Variants in FBLN1 observed in about 807,000 individuals in gnomAD.
The protein encoded by FBLN1 is fibulin 1.
Under a neutral mutation model 89.7 loss-of-function variants are expected in FBLN1, and 34 were observed. That is an observed-to-expected ratio of 0.38 (90% CI 0.29 to 0.50). The LOEUF (loss-of-function observed/expected upper bound fraction) is 0.50. Among genes scored for constraint, FBLN1 ranks in the 20% least tolerant of loss-of-function variants. The pLI is 0.92. For synonymous variants in FBLN1, 393 were observed against 391.3 expected (o/e 1.00, Z -0.05); for missense variants, 777 against 988.1 (o/e 0.79, Z 2.86).
chr22:45,524,823 G>A (rs960828859), intron 2 of FBLN1, among the ~76,000 whole-genome samples: 6 of 152,222 alleles, frequency 3.9e-5, no homozygotes, highest in East Asian at 1.9e-4. Context: ...GGTAGCTCAC[G>A]CCTGTAATCC....
intron 10 of FBLN1, among the ~76,000 whole-genome samples, chr22:45,542,819 G>C (rs548559929): frequency 2.0e-5 from 3 of 152,342 alleles, no homozygotes; most frequent in Admixed American, 6.5e-5. Flanking sequence ...GTGGGTCCTG[G>C]GGAGGAGGAC....
In FBLN1 at chr22:45,575,377, G is replaced by A. The variant is rs551252669; in HGVS notation, c.1840+724G>A. ...CATGGCCAGAAGGGTCTGGAGGTAT[G>A]GGGGGGCGGTGTGGGCGTTTGAGAA... On this transcript the variant is annotated intron_variant, in intron 15 of 16. Transcript: ENST00000327858. This position sits in a 1 kb window ranked among gnomAD's most constrained non-coding sequence, Gnocchi z 6.3. 4.9e-4 allele frequency among the ~76,000 whole-genome samples: 75 copies of A among 152,072 alleles called. No homozygotes were observed. In the South Asian group the frequency reaches 0.015, roughly 30 times the overall value.
At chr22:45,542,402 C>T in intron 10 of FBLN1, 119 bp downstream of exon 10, 1 of 1,372,210 alleles carries the variant, frequency 7.3e-7, no homozygotes, top group Non-Finnish European at 1.0e-6. Flanking sequence ...CAAGTGCAGG[C>T]AGACCCTGAG....
rs370630663 is a variant in FBLN1 at position 45,542,292 on chromosome 22, G to A, written c.1195+9G>A. The A allele has an allele frequency of 2.0e-5, 33 of 1,613,528 alleles. No individual in the cohort carries two copies. The Admixed American group carries it at 2.5e-4, about 12-fold the overall frequency. On this transcript the variant is annotated intron_variant, in intron 10 of 16. Coordinates refer to ENST00000327858, the MANE Select transcript of FBLN1 (RefSeq NM_006486.3). Reference sequence around the variant, plus strand: ...CAGCAGGATGTGTGTCGGTGCGTGGGGGGCCCCGCAGGCCTCGGGGGAACC... The same window carrying A: ...CAGCAGGATGTGTGTCGGTGCGTGGAGGGCCCCGCAGGCCTCGGGGGAACC...
At chr22:45,589,362 C>G (rs1289672231) in intron 16 of FBLN1, among the ~76,000 whole-genome samples, 13 of 152,046 alleles carry the variant, frequency 8.6e-5, no homozygotes, top group Non-Finnish European at 1.3e-4. Context: ...TTGACCCGGT[C>G]CTGAAATCTC....
intron 9 of FBLN1, 132 bp from the exon 10 acceptor site, chr22:45,542,023 G>A (rs2088562020): frequency 7.2e-7 from 1 of 1,379,876 alleles, no homozygotes; most frequent in African/African-American, 1.4e-5. Flanking sequence ...TAGGTGCTCT[G>A]TGAAGTCGTG....
chr22:45,595,175 G>A (rs1254309525), intron 16 of FBLN1, among the ~76,000 whole-genome samples: 1 of 152,132 alleles, frequency 6.6e-6, no homozygotes, highest in Non-Finnish European at 1.5e-5. Flanking sequence ...CTGGAGGAGT[G>A]TGGGCAGGTC....
chr22:45,568,010 CAGCTCTCCCT>C (rs753936204), intron 14 of FBLN1, among the ~76,000 whole-genome samples: 6 of 152,144 alleles, frequency 3.9e-5, no homozygotes, highest in Non-Finnish European at 7.3e-5. Context: ...TTAGCCACCA[CAGCTCTCCCT>C]AAGGTCAGAG....
At chr22:45,518,216 C>A (rs985601851) in intron 1 of FBLN1, among the ~76,000 whole-genome samples, 1 of 151,958 alleles carries the variant, frequency 6.6e-6, no homozygotes, top group Non-Finnish European at 1.5e-5. Context: ...TCCCTGTTTG[C>A]AGTCTCTCCT....
intron 8 of FBLN1, among the ~76,000 whole-genome samples, chr22:45,540,658 C>T (rs1193144134): frequency 2.6e-5 from 4 of 152,200 alleles, no homozygotes; most frequent in Non-Finnish European, 2.9e-5. Context: ...TAGCATGGCC[C>T]TCCTGGACCA....
chr22:45,502,934 A>ACCGCGC lies in FBLN1; in HGVS notation c.-44_-39dup, dbSNP rs1162240021. On this transcript the variant is annotated 5_prime_UTR_variant, in exon 1 of 17. Transcript: ENST00000327858. ...GTGGAGCCCGCGCCGCTGCCCCAGG[A>ACCGCGC]CCGCGCCCGCGCCTTTGTCCGCCGC... 5 of 840,072 alleles carry ACCGCGC rather than the reference A, an allele frequency of 6.0e-6. No individual in the cohort carries two copies. Among genetic ancestry groups the ACCGCGC allele is most frequent in the South Asian group, 5.3e-5 (1 of 18,850 alleles). The allele number at this position is 840,072 out of a possible 1,614,324, so 52.0% of individuals were successfully genotyped here.
intron 1 of FBLN1, among the ~76,000 whole-genome samples, chr22:45,504,865 G>T (rs2146932606): frequency 6.6e-6 from 1 of 152,286 alleles, no homozygotes; most frequent in Non-Finnish European, 1.5e-5. Flanking sequence ...TGGGCCTTTT[G>T]TTTCTTTTGG....
intron 16 of FBLN1, among the ~76,000 whole-genome samples, chr22:45,599,130 C>T (rs765690377): frequency 7.2e-5 from 11 of 152,174 alleles, no homozygotes; most frequent in Non-Finnish European, 1.6e-4. Flanking sequence ...GGGGTTGCTC[C>T]TCTTCTACCC....
chr22:45,546,640 A>G (rs1251052224), intron 11 of FBLN1, among the ~76,000 whole-genome samples: 3 of 152,206 alleles, frequency 2.0e-5, no homozygotes, highest in African/African-American at 7.2e-5. Context: ...AGAGTTGCTG[A>G]GTGGCCCAGT....
chr22:45,589,897 G>A (rs1027134464), intron 16 of FBLN1, among the ~76,000 whole-genome samples: 4 of 152,166 alleles, frequency 2.6e-5, no homozygotes, highest in Admixed American at 2.0e-4. Context: ...GTCAGTTCAA[G>A]GTTAACCCGT....
At chr22:45,582,483 C>A (rs906154878) in intron 16 of FBLN1, among the ~76,000 whole-genome samples, 3 of 152,198 alleles carry the variant, frequency 2.0e-5, no homozygotes, top group African/African-American at 7.2e-5. Context: ...CTGCCGAGGG[C>A]CCACTCATCC....
intron 16 of FBLN1, among the ~76,000 whole-genome samples, chr22:45,587,077 T>C (rs1438077723): frequency 5.9e-5 from 9 of 152,148 alleles, no homozygotes; most frequent in Non-Finnish European, 8.8e-5. Flanking sequence ...GTCAATGGGA[T>C]GTGAGGTTCA....
At chr22:45,594,247 A>G (rs550006258) in intron 16 of FBLN1, among the ~76,000 whole-genome samples, 2 of 152,260 alleles carry the variant, frequency 1.3e-5, no homozygotes, top group East Asian at 3.9e-4. Context: ...GGTGGTTCTG[A>G]AAGAACAGTG....
chr22:45,546,267 G>C (rs971065695), intron 11 of FBLN1, among the ~76,000 whole-genome samples: 2 of 152,128 alleles, frequency 1.3e-5, no homozygotes, highest in African/African-American at 4.8e-5. Context: ...GCCCAGGCTG[G>C]AGTGCAGTGG....
Sources: gnomAD v4.1 joint callset for allele counts (sites outside exome capture counted in the v4.1 genomes callset) on GRCh38, gnomAD v4.1.1 for gene constraint, Gnocchi (gnomAD v3.1) non-coding constraint, MANE v1.5 for transcripts, NCBI Gene and HGNC (gene_info 2026-07-23, HGNC 2026-07-21) for gene names.